The following DYSF variants were observed in gnomAD, a reference collection of about 807,000 sequenced individuals.
DYSF encodes dysferlin.
DYSF carries 212 observed loss-of-function variants against 274.9 expected under a neutral mutation model. The ratio of observed to expected loss-of-function variants is 0.77; its 90% CI spans 0.69 to 0.86. The LOEUF is 0.86. Ranked by LOEUF, DYSF falls within the 40% of genes least tolerant of loss-of-function variation. The probability of loss-of-function intolerance (pLI) is 0.00; values close to 1 mark genes in which losing one functional copy is unlikely to be tolerated. For missense variants in DYSF, 2,666 were observed against 2,783.2 expected (o/e 0.96, Z 0.95); for synonymous variants, 1,091 against 1,078.7 (o/e 1.01, Z -0.22).
Position 71,481,823 on chromosome 2 carries a change from C to T in DYSF, c.148-56C>T, listed in dbSNP as rs2082934752. ...TGGTGGCACGAAGGTGAACCAGACA[C>T]AGTCTCTTCTCCTAGAGGGCCATAG... On this transcript the variant is annotated intron_variant, in intron 2 of 55. Coordinates refer to ENST00000410020, the MANE Select transcript of DYSF (RefSeq NM_001130987.2). 5 of 1,454,750 alleles carry T rather than the reference C, an allele frequency of 3.4e-6. No homozygotes were observed. In the South Asian group the frequency reaches 4.7e-5, roughly 14 times the overall value. 90.1% of individuals were successfully genotyped at this position (1,454,750 alleles called of 1,614,324 possible). A position where few individuals can be genotyped will look rare whatever the true frequency, so the allele number is the denominator to read the frequency against.
intron 1 of DYSF, among the ~76,000 whole-genome samples, chr2:71,459,095 T>C (rs1030144013): frequency 1.5e-4 from 23 of 152,116 alleles, no homozygotes; most frequent in Admixed American, 1.1e-3. Flanking sequence ...CTTAAATGAA[T>C]GTGAAGGGAG....
chr2:71,608,906 G>A (rs1233403261), intron 36 of DYSF, among the ~76,000 whole-genome samples: 1 of 152,042 alleles, frequency 6.6e-6, no homozygotes, highest in Non-Finnish European at 1.5e-5. Context: ...TCCACTCAGG[G>A]GATCCTGGGG....
chr2:71,507,946 G>A (rs184656021), intron 4 of DYSF, among the ~76,000 whole-genome samples: 86 of 152,236 alleles, frequency 5.6e-4, no homozygotes, highest in African/African-American at 2.0e-3. Flanking sequence ...TGGCTACCAC[G>A]CCCAACTAGT....
At chr2:71,472,586 T>G (rs2082111727) in intron 1 of DYSF, among the ~76,000 whole-genome samples, 1 of 152,194 alleles carries the variant, frequency 6.6e-6, no homozygotes, top group Admixed American at 6.5e-5. Flanking sequence ...TTTTGTATTT[T>G]TAGTAGAGAC....
chr2:71,455,700 C>T (rs541087139), intron 1 of DYSF, among the ~76,000 whole-genome samples: 1 of 152,244 alleles, frequency 6.6e-6, no homozygotes, highest in South Asian at 2.1e-4. Context: ...GTGAAGCAGC[C>T]TCCTCCCACG....
At chr2:71,529,837 T>C (rs2088453506) in intron 14 of DYSF, among the ~76,000 whole-genome samples, 1 of 152,262 alleles carries the variant, frequency 6.6e-6, no homozygotes, top group Non-Finnish European at 1.5e-5. Flanking sequence ...CCAACATTTT[T>C]TTCTGTAAAG....
At chr2:71,636,118 A>G (rs2094398574) in intron 41 of DYSF, among the ~76,000 whole-genome samples, 1 of 152,062 alleles carries the variant, frequency 6.6e-6, no homozygotes, top group African/African-American at 2.4e-5. Flanking sequence ...ATGAGTGAGG[A>G]AGAAAGTTGA....
chr2:71,484,045 C>CTT (rs59780652), intron 3 of DYSF, among the ~76,000 whole-genome samples: 2,894 of 67,606 alleles, frequency 0.043, 53 homozygotes, highest in Non-Finnish European at 0.054. Flanking sequence ...GGAGATTTCC[C>CTT]TTTTTTTTTT....
chr2:71,681,291 A>T (rs142884795), intron 54 of DYSF, among the ~76,000 whole-genome samples, 181 bp downstream of exon 54: 3 of 152,358 alleles, frequency 2.0e-5, no homozygotes, highest in African/African-American at 7.2e-5. Context: ...CTGTCCAGAG[A>T]ACACTGGGCT....
intron 44 of DYSF, among the ~76,000 whole-genome samples, chr2:71,660,216 A>T (rs2094852993): frequency 6.6e-6 from 1 of 152,234 alleles, no homozygotes; most frequent in Non-Finnish European, 1.5e-5. Context: ...CATATGCTTA[A>T]GCAGAGGTCA....
intron 3 of DYSF, among the ~76,000 whole-genome samples, chr2:71,500,200 C>T (rs2084833114): frequency 6.6e-6 from 1 of 152,150 alleles, no homozygotes; most frequent in South Asian, 2.1e-4. Flanking sequence ...TTTCTGTGAC[C>T]AACCTCAGAC....
intron 30 of DYSF, among the ~76,000 whole-genome samples, chr2:71,583,043 C>CAAAAAAAAA (rs143738269): frequency 4.0e-5 from 2 of 49,948 alleles, no homozygotes; most frequent in Admixed American, 2.6e-4. Flanking sequence ...GACTCCATCT[C>CAAAAAAAAA]AAAAAAAAAA....
intron 17 of DYSF, 22 bp downstream of exon 17, chr2:71,539,261 C>T: frequency 6.2e-7 from 1 of 1,600,664 alleles, no homozygotes; most frequent in South Asian, 1.1e-5. Context: ...CTTCGTTCTG[C>T]CCTTTGACCC....
At chr2:71,574,719 G>A (rs1258585811) in intron 30 of DYSF, among the ~76,000 whole-genome samples, 1 of 152,208 alleles carries the variant, frequency 6.6e-6, no homozygotes, top group Admixed American at 6.5e-5. Context: ...GGAGGAGTGA[G>A]AGAGTTCTTG....
In DYSF at chr2:71,554,889, G is replaced by A. The variant is rs1211142755; in HGVS notation, c.2109+958G>A. 5.3e-5 allele frequency among the ~76,000 whole-genome samples: 8 copies of A among 152,178 alleles called. 1 individual carries two copies. The East Asian group carries it at 1.2e-3, about 22-fold the overall frequency. On this transcript the variant is annotated intron_variant, in intron 21 of 55. Coordinates refer to ENST00000410020, the MANE Select transcript of DYSF (RefSeq NM_001130987.2). ...GCTAAGGGAGGTGAGGAGGCTGGGC[G>A]GGAAGCTGATGGTCCTGGCAGTGGC...
chr2:71,481,989 G>A lies in DYSF; in HGVS notation c.239+19G>A, dbSNP rs781294310. 6.2e-7 allele frequency: 1 copy of A among 1,601,328 alleles called. No homozygotes were observed. The highest frequency in any genetic ancestry group is 2.2e-5 in the East Asian group (1 of 44,788). On this transcript the variant is annotated intron_variant, in intron 3 of 55. Transcript: ENST00000410020. ...GGAACAGGTAAGGTGGCCAGAGGGG[G>A]GTGCTCCATGGCTTGAAGGTGCAGG...
chr2:71,484,245 G>C (rs1041891190), intron 3 of DYSF, among the ~76,000 whole-genome samples: 2 of 151,810 alleles, frequency 1.3e-5, no homozygotes, highest in East Asian at 1.9e-4. Context: ...TAGAGACAGG[G>C]TTCCTCCATG....
intron 17 of DYSF, chr2:71,549,252 G>A: frequency 8.2e-7 from 1 of 1,212,650 alleles, no homozygotes; most frequent in Admixed American, 1.9e-5. Flanking sequence ...CTTTCCATCT[G>A]TCTGCCTGCC....
intron 38 of DYSF, among the ~76,000 whole-genome samples, 182 bp from the exon 39 acceptor site, chr2:71,612,459 C>T (rs1190026954): frequency 6.6e-6 from 1 of 152,210 alleles, no homozygotes; most frequent in Non-Finnish European, 1.5e-5. Context: ...ATGCAGCATT[C>T]AAGGGGCCGA....
Sources: gnomAD v4.1 joint callset for allele counts (sites outside exome capture counted in the v4.1 genomes callset) on GRCh38, gnomAD v4.1.1 for gene constraint, MANE v1.5 for transcripts, NCBI Gene and HGNC (gene_info 2026-07-23, HGNC 2026-07-21) for gene names.